CCDC92B: variants seen among roughly 807,000 people sequenced by gnomAD.
The protein encoded by CCDC92B is coiled-coil domain-containing 92B.
A neutral mutation model predicts 5.6 loss-of-function variants in CCDC92B; 2 were observed. The observed-to-expected ratio is 0.36, with a 90% CI of 0.15 to 1.12. The LOEUF is 1.12. CCDC92B is among the 50% of genes most tolerant of loss of function. The probability of loss-of-function intolerance (pLI) is 0.40; values close to 1 mark genes in which losing one functional copy is unlikely to be tolerated. For synonymous variants in CCDC92B, 115 were observed against 122.3 expected (o/e 0.94, Z 0.39); for missense variants, 271 against 262.2 (o/e 1.03, Z -0.23).
At chr17:2,727,911 G>C (rs2070751669) in intron 3 of CCDC92B, among the ~76,000 whole-genome samples, 2 of 152,118 alleles carry the variant, frequency 1.3e-5, no homozygotes, top group Non-Finnish European at 2.9e-5. Context: ...GGAGGGCTGA[G>C]GTGGGAGGAT....
chr17:2,734,734 C>T lies in CCDC92B; in HGVS notation c.130+282G>A, dbSNP rs58000982. 4.3e-4 allele frequency among the ~76,000 whole-genome samples: 65 copies of T among 152,054 alleles called. No individual in the cohort carries two copies. In the East Asian group the frequency reaches 0.011, roughly 26 times the overall value. The stretch of plus-strand genomic sequence containing the variant: ...TGATCTCCTGACCTCGTGATCCGCC[C>T]GCCTCGGCCTCCCAAAGTGCTGGGA... On this transcript the variant is annotated intron_variant, in intron 2 of 3. Coordinates refer to ENST00000614400, the MANE Select transcript of CCDC92B (RefSeq NM_001355573.2).
At chr17:2,748,780 A>G (rs1265340993) in intron 1 of CCDC92B, among the ~76,000 whole-genome samples, 2 of 152,192 alleles carry the variant, frequency 1.3e-5, no homozygotes, top group African/African-American at 4.8e-5. Context: ...TGGAACAAGG[A>G]TTCAGCCTTT....
intron 1 of CCDC92B, among the ~76,000 whole-genome samples, chr17:2,747,454 C>T (rs778480330): frequency 9.2e-5 from 14 of 152,214 alleles, no homozygotes; most frequent in Middle Eastern, 3.4e-3. Flanking sequence ...AGGTCAGGTG[C>T]GGTGGCTCAC....
intron 1 of CCDC92B, among the ~76,000 whole-genome samples, chr17:2,747,594 G>A (rs2071002179): frequency 6.6e-6 from 1 of 152,166 alleles, no homozygotes; most frequent in South Asian, 2.1e-4. Flanking sequence ...GGGCATGATG[G>A]CACGCACCTG....
intron 1 of CCDC92B, among the ~76,000 whole-genome samples, chr17:2,749,018 T>C (rs943177644): frequency 9.2e-5 from 14 of 152,152 alleles, no homozygotes; most frequent in Non-Finnish European, 1.9e-4. Flanking sequence ...CCCCACCCCC[T>C]TCAGGCTTCA....
intron 3 of CCDC92B, 102 bp downstream of exon 3, chr17:2,730,344 G>C: frequency 9.6e-6 from 6 of 622,270 alleles, no homozygotes; most frequent in Non-Finnish European, 1.2e-5. Flanking sequence ...CTATCCCCAA[G>C]TCTAGGCTGG....
At chr17:2,741,571 TG>T (rs1304027833) in intron 1 of CCDC92B, among the ~76,000 whole-genome samples, 5 of 149,282 alleles carry the variant, frequency 3.3e-5, no homozygotes, top group African/African-American at 1.2e-4. Flanking sequence ...CCTAGCTACT[TG>T]GGAGGCCGAG....
intron 1 of CCDC92B, among the ~76,000 whole-genome samples, chr17:2,745,417 T>G (rs2070973910): frequency 6.6e-6 from 1 of 152,192 alleles, no homozygotes. Flanking sequence ...CTGGCCACCG[T>G]GAGAGACTGA....
intron 1 of CCDC92B, among the ~76,000 whole-genome samples, chr17:2,746,660 TC>T (rs2070990310): frequency 6.6e-6 from 1 of 152,076 alleles, no homozygotes. Context: ...AAACTACAGT[TC>T]TCTCCCTGCT....
rs1185312264 is a variant in CCDC92B, at chr17:2,733,258, CTCTT to C, written c.130+1754_130+1757del. The stretch of plus-strand genomic sequence containing the variant: ...CTATGGTGTCTTAGGGTTTCCTCTT[CTCTT>C]TTTTTTTTTTTTTTGAGACGGAGTT... On this transcript the variant is annotated intron_variant, in intron 2 of 3. Coordinates refer to ENST00000614400, the MANE Select transcript of CCDC92B (RefSeq NM_001355573.2). Among the ~76,000 whole-genome samples, 15 of 148,594 alleles carry C rather than the reference CTCTT, an allele frequency of 1.0e-4. 1 individual carries two copies. Among genetic ancestry groups the C allele is most frequent in the Admixed American group, 1.0e-3 (15 of 14,980 alleles).
intron 1 of CCDC92B, among the ~76,000 whole-genome samples, chr17:2,738,684 C>T (rs1305011454): frequency 2.7e-5 from 4 of 150,582 alleles, no homozygotes; most frequent in African/African-American, 4.9e-5. Context: ...TGGCTGAACC[C>T]GGGAGGCGGA....
intron 1 of CCDC92B, chr17:2,747,974 C>G: frequency 5.5e-6 from 2 of 364,058 alleles, no homozygotes; most frequent in Non-Finnish European, 1.1e-5. Flanking sequence ...TCCACTTTAT[C>G]GATGAGGAGA....
rs181870550 is a variant in CCDC92B, at chr17:2,735,196, C to A, written c.-23-28G>T. 6.9e-5 allele frequency: 68 copies of A among 985,602 alleles called. No individual in the cohort carries two copies. The East Asian group carries it at 5.4e-3, about 79-fold the overall frequency. The allele number at this position is 985,602 out of a possible 1,614,324, so 61.1% of individuals were successfully genotyped here. A position where few individuals can be genotyped will look rare whatever the true frequency, so the allele number is the denominator to read the frequency against. ...AGGGAGGACGACAAGGTGAACCCAC[C>A]TCTTCTGAGCCCATCTGCGCTGCCC... On this transcript the variant is annotated intron_variant, in intron 1 of 3. Coordinates refer to ENST00000614400, the MANE Select transcript of CCDC92B (RefSeq NM_001355573.2).
At chr17:2,730,915 T>C (rs1456562897) in intron 2 of CCDC92B, among the ~76,000 whole-genome samples, 1 of 152,196 alleles carries the variant, frequency 6.6e-6, no homozygotes, top group Non-Finnish European at 1.5e-5. Flanking sequence ...CGTGTTTAGC[T>C]GATGGCCGCT....
chr17:2,724,353 G>A lies in CCDC92B; in HGVS notation c.*58C>T. The stretch of plus-strand genomic sequence containing the variant: ...CCCGGGACCTGCCTGCGGGGACCGA[G>A]CTGCGTCCCTGGCCGGCCCTCCCCG... On this transcript the variant is annotated 3_prime_UTR_variant, in exon 4 of 4. Coordinates refer to ENST00000614400, the MANE Select transcript of CCDC92B (RefSeq NM_001355573.2). The surrounding 1 kb of genome is among the most constrained non-coding windows in gnomAD (Gnocchi z 5.0). 1.0e-6 allele frequency: 1 copy of A among 985,186 alleles called. No homozygotes were observed. 61.0% of individuals were successfully genotyped at this position (985,186 alleles called of 1,614,324 possible). A position where few individuals can be genotyped will look rare whatever the true frequency, so the allele number is the denominator to read the frequency against.
intron 2 of CCDC92B, among the ~76,000 whole-genome samples, chr17:2,733,655 C>T (rs113099034): frequency 0.028 from 4,264 of 151,668 alleles, 204 homozygotes; most frequent in African/African-American, 0.099. Flanking sequence ...CCTCTGCTCC[C>T]GTCCAATCTT....
chr17:2,740,209 G>A (rs1472238111), intron 1 of CCDC92B, among the ~76,000 whole-genome samples: 2 of 152,016 alleles, frequency 1.3e-5, no homozygotes, highest in East Asian at 3.9e-4. Context: ...CAGCTGCTCT[G>A]CTCGAGTGTG....
Position 2,724,730 on chromosome 17 carries a change from C to T in CCDC92B, c.449G>A (p.Arg150Lys). The change falls in exon 4 of 4, where the codon AGA (arginine) becomes AAA (lysine). Residue 150 changes from arginine (R) to lysine (K), a missense_variant. Arg to Lys is a conservative substitution (Grantham distance 26). Coordinates refer to ENST00000614400, the MANE Select transcript of CCDC92B (RefSeq NM_001355573.2). This position sits in a 1 kb window ranked among gnomAD's most constrained non-coding sequence, Gnocchi z 5.0. ...GGGGCCCGGGCGCGGGGCCTGCAGT[C>T]TCTGGCGCGCCGCGTGCAGCTGGCA... ...LSCQLHAARQ[R>K]LQAPRPGPGA... 1.0e-6 allele frequency: 1 copy of T among 984,156 alleles called. No individual in the cohort carries two copies. The allele number at this position is 984,156 out of a possible 1,614,324, so 61.0% of individuals were successfully genotyped here.
At chr17:2,727,690 GGT>G (rs1327835760) in intron 3 of CCDC92B, among the ~76,000 whole-genome samples, 3 of 152,226 alleles carry the variant, frequency 2.0e-5, no homozygotes, top group East Asian at 3.9e-4. Context: ...TGGGTATGGT[GGT>G]GTGCGCCTGT....
Sources: allele counts gnomAD v4.1 joint callset (sites outside exome capture counted in the v4.1 genomes callset), GRCh38; gene constraint gnomAD v4.1.1; non-coding constraint Gnocchi (gnomAD v3.1); transcripts MANE v1.5; gene names NCBI Gene and HGNC (gene_info 2026-07-23, HGNC 2026-07-21).